The following NOTCH4 variants were observed in gnomAD, a reference collection of about 807,000 sequenced individuals.
The protein encoded by NOTCH4 is neurogenic locus notch homolog protein 4.
A neutral mutation model predicts 189.0 loss-of-function variants in NOTCH4; 138 were observed. The observed-to-expected ratio is 0.73, with a 90% confidence interval of 0.64 to 0.84. The LOEUF (loss-of-function observed/expected upper bound fraction) is 0.84. Ranked by LOEUF, NOTCH4 falls within the 40% of genes least tolerant of loss-of-function variation. NOTCH4 has a pLI of 0.00. For synonymous variants in NOTCH4, 942 were observed against 1,032.8 expected (o/e 0.91, Z 1.69); for missense variants, 2,286 against 2,605.4 (o/e 0.88, Z 2.67).
In NOTCH4 at chr6:32,217,046, T is replaced by TG; in HGVS notation, c.1759dup (p.Gln587ProfsTer6). On this transcript the variant is annotated frameshift_variant, in exon 11 of 30. Transcript: ENST00000375023. LOFTEE classifies it high-confidence loss of function. This position sits in a 1 kb window ranked among gnomAD's most constrained non-coding sequence, Gnocchi z 4.2. ...ACTCAGGCACTCATCCACCTCTGTT[T>TG]GACAGCGTGGCCCTTCAAAGCCTGT... 1 of 1,613,110 alleles carries TG rather than the reference T, an allele frequency of 6.2e-7. No individual in the cohort carries two copies. Among genetic ancestry groups the TG allele is most frequent in the Non-Finnish European group, 8.5e-7 (1 of 1,180,044 alleles).
intron 7 of NOTCH4, 133 bp downstream of exon 7, chr6:32,219,996 G>A (rs1429173509): frequency 9.1e-6 from 10 of 1,097,800 alleles, no homozygotes; most frequent in Non-Finnish European, 1.3e-6. Flanking sequence ...GTAGGCAAGA[G>A]ATGCCAAATC....
chr6:32,223,255 G>C (rs778771233), intron 1 of NOTCH4, among the ~76,000 whole-genome samples, 169 bp from the exon 2 acceptor site: 4 of 151,798 alleles, frequency 2.6e-5, no homozygotes, highest in Non-Finnish European at 5.9e-5. Context: ...CCCAGCCCCA[G>C]TGCCCTCCGT....
At chr6:32,196,781 C>T (rs990108994) in intron 28 of NOTCH4, 144 bp downstream of exon 28, 2 of 1,096,222 alleles carry the variant, frequency 1.8e-6, no homozygotes, top group Admixed American at 3.7e-5. Flanking sequence ...TCACGCGGCC[C>T]GTACTTCCAC....
Position 32,216,960 on chromosome 6 carries a change from G to A in NOTCH4, c.1846C>T (p.Pro616Ser). 1 of 1,613,104 alleles carries A rather than the reference G, an allele frequency of 6.2e-7. No homozygotes were observed. Among genetic ancestry groups the A allele is most frequent in the Non-Finnish European group, 8.5e-7 (1 of 1,180,040 alleles). The change falls in exon 11 of 30, where the codon CCC becomes TCC. Residue 616 changes from proline (P) to serine (S), a missense_variant. Physicochemically the swap from Pro to Ser is moderately conservative, Grantham distance 74 (BLOSUM62 -1). Transcript: ENST00000375023. ...CCCTGTGAACCTGTGAAACCAGAGG[G>A]GCAGAGGCAAAAGAAGGCTCCTGGA... is the stretch of plus-strand genomic sequence containing the variant. The part of the protein sequence containing the change: ...DLPGAFFCLC[P>S]SGFTGQLCEV...
intron 8 of NOTCH4, among the ~76,000 whole-genome samples, chr6:32,218,486 G>T (rs1582819248): frequency 6.6e-6 from 1 of 152,308 alleles, no homozygotes; most frequent in African/African-American, 2.4e-5. Context: ...TTCTCCCTGG[G>T]TGGGCCTCCA....
At chr6:32,222,083 C>T (rs1789814782) in intron 3 of NOTCH4, among the ~76,000 whole-genome samples, 1 of 152,150 alleles carries the variant, frequency 6.6e-6, no homozygotes, top group Non-Finnish European at 1.5e-5. Flanking sequence ...TCCTTCCCTT[C>T]CCGGTGCCCC....
chr6:32,220,475 GGT>G lies in NOTCH4; in HGVS notation c.1087_1088del (p.Thr363LeufsTer9). 6.2e-7 allele frequency: 1 copy of G among 1,613,824 alleles called. No individual in the cohort carries two copies. The highest frequency in any genetic ancestry group is 1.1e-5 in the South Asian group (1 of 91,088). ...CAATGCAGGTGGATCCCGGGGCACA[GGT>G]GGCAGCAATACAGTCATCCAGGTTC... is the stretch of plus-strand genomic sequence containing the variant. ...EENLDDCIAATCAPGSTCIDR... is the reference protein window; with the variant it reads ...EENLDDCIAAXCAPGSTCIDR... On this transcript the variant is annotated frameshift_variant, in exon 6 of 30. Coordinates refer to ENST00000375023, the MANE Select transcript of NOTCH4 (RefSeq NM_004557.4). LOFTEE classifies it high-confidence loss of function.
intron 7 of NOTCH4, 53 bp downstream of exon 7, chr6:32,220,076 G>A (rs1789653557): frequency 1.3e-6 from 2 of 1,577,942 alleles, no homozygotes; most frequent in African/African-American, 1.4e-5. Context: ...TCTGTCTTCA[G>A]TGCAGAGGCC....
chr6:32,217,957 T>A lies in NOTCH4; in HGVS notation c.1624+38A>T. The A allele has an allele frequency of 7.3e-7, 1 of 1,371,214 alleles. No homozygotes were observed. Among genetic ancestry groups the A allele is most frequent in the Non-Finnish European group, 1.0e-6 (1 of 962,492 alleles). The allele number at this position is 1,371,214 out of a possible 1,614,324, so 84.9% of individuals were successfully genotyped here. On this transcript the variant is annotated intron_variant, in intron 9 of 29. Coordinates refer to ENST00000375023, the MANE Select transcript of NOTCH4 (RefSeq NM_004557.4). The surrounding 1 kb of genome is among the most constrained non-coding windows in gnomAD (Gnocchi z 4.2). ...CCTGAACTCTGCAGGTTCAGAGGCC[T>A]GGGGTCTGAGGGTGGCCAGAGAGGC...
chr6:32,204,058 G>A (rs917177199), intron 19 of NOTCH4, 79 bp downstream of exon 19: 20 of 1,563,822 alleles, frequency 1.3e-5, no homozygotes, highest in Non-Finnish European at 1.7e-5. Flanking sequence ...GCTGCCGCAT[G>A]GGTGGAGACT....
Position 32,202,056 on chromosome 6 carries a change from C to T in NOTCH4, c.3755+20G>A, listed in dbSNP as rs1788380857. ...CACCCACCCCTCTCCTTCCCTGGCT[C>T]CAGTGGATTTCAGGCTCACGTGCAG... On this transcript the variant is annotated intron_variant, in intron 21 of 29. Transcript: ENST00000375023. The surrounding 1 kb of genome is among the most constrained non-coding windows in gnomAD (Gnocchi z 5.7). The T allele has an allele frequency of 7.0e-7, 1 of 1,432,290 alleles. No individual in the cohort carries two copies. Among genetic ancestry groups the T allele is most frequent in the African/African-American group, 1.4e-5 (1 of 70,760 alleles). 88.7% of individuals were successfully genotyped at this position (1,432,290 alleles called of 1,614,324 possible). A position where few individuals can be genotyped will look rare whatever the true frequency, so the allele number is the denominator to read the frequency against.
Position 32,221,740 on chromosome 6 carries a change from T to G in NOTCH4, c.452-415A>C, listed in dbSNP as rs1408871771. Among the ~76,000 whole-genome samples the G allele has an allele frequency of 6.6e-6, 1 of 152,126 alleles. No homozygotes were observed. Among genetic ancestry groups the G allele is most frequent in the Non-Finnish European group, 1.5e-5 (1 of 68,010 alleles). On this transcript the variant is annotated intron_variant, in intron 3 of 29. Coordinates refer to ENST00000375023, the MANE Select transcript of NOTCH4 (RefSeq NM_004557.4). The surrounding 1 kb of genome is among the most constrained non-coding windows in gnomAD (Gnocchi z 4.3). ...TAATCTTTAAGTGGGTTTAGGCACC[T>G]GGAGACTCACTTCACAGTCCATGTG...
In NOTCH4 at chr6:32,219,778, CT is replaced by C. The variant is rs1364246842; in HGVS notation, c.1323del (p.Gly442AlafsTer64). Reference protein sequence around the residue: ...QDLDECLMAQQGPSPCEHGGS... With the variant: ...QDLDECLMAQXGPSPCEHGGS... ...CCGCCATGTTCACAGGGACTTGGGC[CT>C]TGCTGGGCTGGGAGGAGAGAAGAGC... is the stretch of plus-strand genomic sequence containing the variant. On this transcript the variant is annotated frameshift_variant, in exon 8 of 30. Transcript: ENST00000375023. LOFTEE classifies it high-confidence loss of function. The C allele has an allele frequency of 2.5e-6, 4 of 1,612,128 alleles. No individual in the cohort carries two copies. The African/African-American group carries it at 5.3e-5, about 22-fold the overall frequency.
In NOTCH4 at chr6:32,198,934, A is replaced by G. The variant is rs781366061; in HGVS notation, c.4527T>C (p.Ile1509=). 6.4e-7 allele frequency: 1 copy of G among 1,573,178 alleles called. No individual in the cohort carries two copies. The highest frequency in any genetic ancestry group is 8.6e-7 in the Non-Finnish European group (1 of 1,159,812). Residue 1509 remains isoleucine, a synonymous_variant, in exon 24 of 30, where the codon ATT becomes ATC. Coordinates refer to ENST00000375023, the MANE Select transcript of NOTCH4 (RefSeq NM_004557.4). The surrounding 1 kb of genome is among the most constrained non-coding windows in gnomAD (Gnocchi z 5.5). ...TTTCTCCTCATTCTCACTTGAGACCAATGCTGTCCTCGCCTAGTGGGGGCC... is the reference window on the plus strand; with the variant it reads ...TTTCTCCTCATTCTCACTTGAGACCGATGCTGTCCTCGCCTAGTGGGGGCC... ...RRRPPLGEDS[I]GLKALKPKAE...
chr6:32,207,990 C>G (rs1788797011), intron 18 of NOTCH4, among the ~76,000 whole-genome samples: 1 of 123,592 alleles, frequency 8.1e-6, no homozygotes, highest in African/African-American at 3.2e-5. Flanking sequence ...GGCGACGGTG[C>G]AAGACTCCTT....
rs771467599 is a variant in NOTCH4, at chr6:32,210,882, GGGCCGCTGTCGACACAGA to G, written c.2717_2734del (p.Leu906_Gly911del). The stretch of plus-strand genomic sequence containing the variant: ...AGGGGGGCAGTGGCAGAAATAGGAG[GGGCCGCTGTCGACACAGA>G]GGCCTCCATTGTGGCAAAGGGAAGA... On this transcript the variant is annotated inframe_deletion, in exon 18 of 30. Transcript: ENST00000375023. The surrounding 1 kb of genome is among the most constrained non-coding windows in gnomAD (Gnocchi z 4.8). The G allele has an allele frequency of 1.1e-5, 17 of 1,612,176 alleles. No homozygotes were observed. Among genetic ancestry groups the G allele is most frequent in the African/African-American group, 1.3e-5 (1 of 74,920 alleles).
intron 1 of NOTCH4, among the ~76,000 whole-genome samples, chr6:32,223,460 G>A (rs1789927309): frequency 6.6e-6 from 1 of 152,072 alleles, no homozygotes; most frequent in South Asian, 2.1e-4. Flanking sequence ...GGGGGGTGGG[G>A]ACAGCTGGAC....
chr6:32,216,912 C>T, intron 11 of NOTCH4, 33 bp downstream of exon 11: 1 of 1,612,636 alleles, frequency 6.2e-7, no homozygotes, highest in Non-Finnish European at 8.5e-7. Flanking sequence ...ATAAAATATT[C>T]TGCCAGTTCT....
intron 18 of NOTCH4, among the ~76,000 whole-genome samples, chr6:32,209,150 C>T (rs565284126): frequency 3.9e-5 from 6 of 152,170 alleles, no homozygotes; most frequent in Admixed American, 6.5e-5. Flanking sequence ...AAGCCAGGCA[C>T]GGAAAGACAA....
Sources: gnomAD v4.1 joint callset for allele counts (sites outside exome capture counted in the v4.1 genomes callset) on GRCh38, gnomAD v4.1.1 for gene constraint, Gnocchi (gnomAD v3.1) non-coding constraint, MANE v1.5 for transcripts, NCBI Gene and HGNC (gene_info 2026-07-23, HGNC 2026-07-21) for gene names.